PTH2R: variants seen among roughly 807,000 people sequenced by gnomAD.
The protein encoded by PTH2R is PTH2 receptor.
PTH2R carries 59 observed loss-of-function variants against 60.3 expected under a neutral mutation model. The ratio of observed to expected loss-of-function variants is 0.98; its 90% CI spans 0.79 to 1.22. PTH2R has a LOEUF of 1.22. PTH2R is among the 50% of genes most tolerant of loss of function. The pLI is 0.00. For synonymous variants in PTH2R, 256 were observed against 243.8 expected (o/e 1.05, Z -0.47); for missense variants, 749 against 682.6 (o/e 1.10, Z -1.08).
chr2:208,404,341 G>C (rs1286096432), upstream of PTH2R, among the ~76,000 whole-genome samples: 2 of 152,160 alleles, frequency 1.3e-5, no homozygotes, highest in East Asian at 3.8e-4. Context: ...TCTTGACTGA[G>C]GTGGGCCTTG....
intron 1 of PTH2R, chr2:208,360,372 A>G (rs758174299): frequency 2.6e-4 from 80 of 306,720 alleles, no homozygotes; most frequent in Non-Finnish European, 4.3e-4. Flanking sequence ...CTTCCCTGGC[A>G]GCTGGGATGA....
chr2:208,370,473 A>G (rs903145353), intron 1 of PTH2R, among the ~76,000 whole-genome samples: 1 of 114,538 alleles, frequency 8.7e-6, no homozygotes, highest in Non-Finnish European at 1.9e-5. Flanking sequence ...AAAAAAAAAA[A>G]AAGAAAGGTC....
At chr2:208,371,956 C>G (rs1230486138) in intron 1 of PTH2R, among the ~76,000 whole-genome samples, 1 of 152,074 alleles carries the variant, frequency 6.6e-6, no homozygotes, top group East Asian at 1.9e-4. Flanking sequence ...GAGTCTCACT[C>G]TGTCACCTGG....
At chr2:208,457,617 ATTTG>A (rs1702540209) in intron 8 of PTH2R, among the ~76,000 whole-genome samples, 1 of 152,218 alleles carries the variant, frequency 6.6e-6, no homozygotes, top group Admixed American at 6.5e-5. Flanking sequence ...TAACCTTTGT[ATTTG>A]TTTGCATATG....
At chr2:208,464,316 C>T (rs1413945067) in intron 9 of PTH2R, among the ~76,000 whole-genome samples, 1 of 152,178 alleles carries the variant, frequency 6.6e-6, no homozygotes, top group Non-Finnish European at 1.5e-5. Context: ...TAAAAAGAAA[C>T]GTCTTCCTAA....
rs180996622 is a variant in PTH2R at position 208,392,936 on chromosome 2, C to T, written c.-259+32699C>T. ...AGTGACCTCTGCCTCCAGGGAAAGA[C>T]CTGTCTTCAGCAGTTTCCACCACAG... is the stretch of plus-strand genomic sequence containing the variant. On this transcript the variant is annotated intron_variant, in intron 1 of 12. Coordinates refer to the PTH2R transcript ENST00000617735. Among the ~76,000 whole-genome samples, 353 of 152,324 alleles carry T rather than the reference C, an allele frequency of 2.3e-3. 1 individual carries two copies. Among genetic ancestry groups the T allele is most frequent in the African/African-American group, 8.1e-3 (336 of 41,572 alleles).
At chr2:208,437,192 C>T (rs1702091702) in intron 2 of PTH2R, among the ~76,000 whole-genome samples, 1 of 152,128 alleles carries the variant, frequency 6.6e-6, no homozygotes, top group Admixed American at 6.5e-5. Flanking sequence ...AATGTAGTTA[C>T]AACTTTGGTG....
intron 1 of PTH2R, among the ~76,000 whole-genome samples, chr2:208,411,370 GACA>G (rs1701536909): frequency 2.0e-5 from 3 of 152,274 alleles, no homozygotes; most frequent in African/African-American, 4.8e-5. Flanking sequence ...CTTTTCTCTT[GACA>G]ACGAGGACTA....
intron 1 of PTH2R, among the ~76,000 whole-genome samples, chr2:208,408,560 C>T (rs1701466812): frequency 6.6e-6 from 1 of 151,502 alleles, no homozygotes; most frequent in Non-Finnish European, 1.5e-5. Context: ...GGTGTGGTGG[C>T]TCACGCCTGT....
chr2:208,367,799 T>C (rs1423719706), intron 1 of PTH2R, among the ~76,000 whole-genome samples: 3 of 152,212 alleles, frequency 2.0e-5, no homozygotes, highest in Admixed American at 6.5e-5. Context: ...TCCCTTTGTT[T>C]CCAATATGTT....
At chr2:208,409,914 G>C (rs1031879384) in intron 1 of PTH2R, among the ~76,000 whole-genome samples, 1 of 152,132 alleles carries the variant, frequency 6.6e-6, no homozygotes, top group African/African-American at 2.4e-5. Context: ...GGGTGCTAGA[G>C]GTTTATTAGG....
chr2:208,420,661 T>C lies in PTH2R; in HGVS notation c.76-7540T>C, dbSNP rs867967999. 5.9e-5 allele frequency among the ~76,000 whole-genome samples: 9 copies of C among 152,328 alleles called. No homozygotes were observed. The Middle Eastern group carries it at 0.024, about 403-fold the overall frequency. On this transcript the variant is annotated intron_variant, in intron 1 of 12. Transcript: ENST00000272847. ...GAGAATTATAGATTCACATGCAGTG[T>C]AAGAAGTAATACAGACACTAAATAC...
At chr2:208,452,481 TA>T (rs1178462228) in intron 8 of PTH2R, among the ~76,000 whole-genome samples, 1 of 152,204 alleles carries the variant, frequency 6.6e-6, no homozygotes, top group Non-Finnish European at 1.5e-5. Context: ...CCATTAATCC[TA>T]GCTTATAATA....
intron 1 of PTH2R, among the ~76,000 whole-genome samples, chr2:208,412,919 A>G (rs1359715105): frequency 6.6e-6 from 1 of 152,150 alleles, no homozygotes. Flanking sequence ...AATTTTATAT[A>G]TATTTTCACT....
chr2:208,375,238 A>C (rs2125872583), intron 1 of PTH2R, among the ~76,000 whole-genome samples: 1 of 152,200 alleles, frequency 6.6e-6, no homozygotes, highest in Middle Eastern at 3.4e-3. Context: ...AACTTGATGC[A>C]GTCTCTTTGT....
At chr2:208,423,460 T>G (rs1701795562) in intron 1 of PTH2R, among the ~76,000 whole-genome samples, 2 of 152,212 alleles carry the variant, frequency 1.3e-5, no homozygotes, top group Non-Finnish European at 2.9e-5. Flanking sequence ...GTCTGAGAAC[T>G]CTGTATGCTT....
intron 10 of PTH2R, among the ~76,000 whole-genome samples, 154 bp from the exon 11 acceptor site, chr2:208,488,858 C>G (rs1228637613): frequency 6.6e-6 from 1 of 152,140 alleles, no homozygotes; most frequent in Non-Finnish European, 1.5e-5. Flanking sequence ...GCCTGGGAGA[C>G]AGATAGAGTG....
At chr2:208,404,408 CCTTTT>C (rs1701363695), upstream of PTH2R, among the ~76,000 whole-genome samples, 1 of 152,100 alleles carries the variant, frequency 6.6e-6, no homozygotes, top group Non-Finnish European at 1.5e-5. Context: ...GCGATTGCTT[CCTTTT>C]CATTATTTTC....
At chr2:208,491,133 A>G (rs960238402) in intron 12 of PTH2R, among the ~76,000 whole-genome samples, 5 of 152,204 alleles carry the variant, frequency 3.3e-5, no homozygotes, top group Non-Finnish European at 5.9e-5. Flanking sequence ...TACACTAGAT[A>G]ATAATACATT....
Sources: allele counts gnomAD v4.1 joint callset (sites outside exome capture counted in the v4.1 genomes callset), GRCh38; gene constraint gnomAD v4.1.1; transcripts MANE v1.5; gene names NCBI Gene and HGNC (gene_info 2026-07-23, HGNC 2026-07-21).